Variants in ANGPT2 observed in about 807,000 individuals in gnomAD.
ANGPT2 encodes angiopoietin-2.
ANGPT2 carries 28 observed loss-of-function variants against 62.9 expected under a neutral mutation model. That is an observed-to-expected ratio of 0.44 (90% CI 0.33 to 0.61). ANGPT2 has a LOEUF of 0.61. Ranked by LOEUF, ANGPT2 falls within the 20% of genes least tolerant of loss-of-function variation. The pLI is 0.03. For synonymous variants in ANGPT2, 284 were observed against 207.8 expected (o/e 1.37, Z -3.15); for missense variants, 727 against 594.9 (o/e 1.22, Z -2.31).
chr8:6,505,045 C>T (rs1418069151), intron 8 of ANGPT2, among the ~76,000 whole-genome samples: 1 of 151,110 alleles, frequency 6.6e-6, no homozygotes, highest in Non-Finnish European at 1.5e-5. Context: ...TTGATATCTC[C>T]ATATGTAGGA....
chr8:6,555,391 A>G (rs1824416986), intron 1 of ANGPT2, among the ~76,000 whole-genome samples: 1 of 151,850 alleles, frequency 6.6e-6, no homozygotes, highest in South Asian at 2.1e-4. Flanking sequence ...AACTAGATGT[A>G]TGGTTTGTAA....
intron 5 of ANGPT2, 97 bp downstream of exon 5, chr8:6,519,767 A>G: frequency 6.8e-7 from 1 of 1,467,378 alleles, no homozygotes; most frequent in Admixed American, 1.8e-5. Context: ...GAGGCTGGGG[A>G]AGATCTTTGG....
At chr8:6,511,636 T>C (rs1317917494) in intron 7 of ANGPT2, among the ~76,000 whole-genome samples, 1 of 152,212 alleles carries the variant, frequency 6.6e-6, no homozygotes, top group East Asian at 1.9e-4. Context: ...TTCACAGTTC[T>C]CTTATCATGC....
intron 1 of ANGPT2, among the ~76,000 whole-genome samples, chr8:6,541,603 C>T (rs1010014470): frequency 1.3e-5 from 2 of 152,140 alleles, no homozygotes; most frequent in African/African-American, 4.8e-5. Context: ...TTCTGCCATT[C>T]GTCTATTTTT....
At chr8:6,505,663 G>C (rs1278560838) in intron 8 of ANGPT2, among the ~76,000 whole-genome samples, 2 of 123,216 alleles carry the variant, frequency 1.6e-5, no homozygotes, top group Non-Finnish European at 3.3e-5. Context: ...TTTATATATA[G>C]AATATATATA....
intron 1 of ANGPT2, among the ~76,000 whole-genome samples, chr8:6,536,524 C>T (rs1264553582): frequency 1.3e-5 from 2 of 152,130 alleles, no homozygotes; most frequent in Admixed American, 6.5e-5. Flanking sequence ...TTTTTACCAC[C>T]AGAAAAGCCC....
chr8:6,529,055 T>G (rs1229654560), intron 2 of ANGPT2, among the ~76,000 whole-genome samples: 1 of 152,214 alleles, frequency 6.6e-6, no homozygotes, highest in African/African-American at 2.4e-5. Context: ...TCATAAGGGT[T>G]ATAACATGAG....
intron 2 of ANGPT2, among the ~76,000 whole-genome samples, chr8:6,529,918 A>C (rs751363964): frequency 1.3e-5 from 2 of 151,802 alleles, no homozygotes; most frequent in Non-Finnish European, 2.9e-5. Context: ...ACACAAGTAC[A>C]TCAAATGCTA....
chr8:6,543,695 A>T (rs537765204), intron 1 of ANGPT2, among the ~76,000 whole-genome samples: 1 of 152,244 alleles, frequency 6.6e-6, no homozygotes, highest in African/African-American at 2.4e-5. Flanking sequence ...TTTCTGAACT[A>T]TTTAGGAAGA....
At chr8:6,562,361 A>G (rs1825663521) in intron 1 of ANGPT2, among the ~76,000 whole-genome samples, 2 of 152,040 alleles carry the variant, frequency 1.3e-5, no homozygotes, top group South Asian at 4.2e-4. Flanking sequence ...GCAGGGAAGT[A>G]TATTTCCTCT....
chr8:6,544,029 A>G (rs1045825689), intron 1 of ANGPT2, among the ~76,000 whole-genome samples: 9 of 152,258 alleles, frequency 5.9e-5, no homozygotes, highest in Non-Finnish European at 7.3e-5. Context: ...GAATGTTTTC[A>G]GATAAGAAAC....
At chr8:6,527,315 C>T (rs1253691780) in intron 3 of ANGPT2, among the ~76,000 whole-genome samples, 1 of 152,186 alleles carries the variant, frequency 6.6e-6, no homozygotes, top group African/African-American at 2.4e-5. Flanking sequence ...TGGAGGATTA[C>T]TCTAAGAGGA....
At chr8:6,552,114 C>A (rs936299692) in intron 1 of ANGPT2, among the ~76,000 whole-genome samples, 3 of 152,164 alleles carry the variant, frequency 2.0e-5, no homozygotes, top group Admixed American at 2.0e-4. Context: ...AATTCTGAAT[C>A]TTTTCTACTA....
intron 3 of ANGPT2, among the ~76,000 whole-genome samples, chr8:6,525,151 C>T (rs374523667): frequency 1.3e-5 from 2 of 152,228 alleles, no homozygotes; most frequent in African/African-American, 4.8e-5. Flanking sequence ...AAGGAACTGG[C>T]TACCCATTAC....
chr8:6,513,356 G>A (rs923270727), intron 7 of ANGPT2, among the ~76,000 whole-genome samples: 26 of 142,578 alleles, frequency 1.8e-4, no homozygotes, highest in African/African-American at 2.3e-4. Context: ...TTTTTGAGAC[G>A]GAGTCTTGCT....
intron 8 of ANGPT2, among the ~76,000 whole-genome samples, chr8:6,507,057 C>T (rs1813885430): frequency 6.6e-6 from 1 of 152,112 alleles, no homozygotes; most frequent in Non-Finnish European, 1.5e-5. Flanking sequence ...GCCACCACGC[C>T]TGGCTAATTT....
intron 8 of ANGPT2, among the ~76,000 whole-genome samples, chr8:6,504,255 T>C (rs987214065): frequency 2.7e-5 from 4 of 146,580 alleles, no homozygotes; most frequent in Non-Finnish European, 4.4e-5. Flanking sequence ...GAGGCGGAGC[T>C]TGCAGTGAGC....
chr8:6,520,805 G>T lies in ANGPT2; in HGVS notation c.799+373C>A, dbSNP rs115462722. ...GAACTAGCATCTCTTAAGTGCCATT[G>T]TATTATCTCATTTAATCTTAATGGC... On this transcript the variant is annotated intron_variant, in intron 4 of 8. Transcript: ENST00000629816. 9.6e-3 allele frequency among the ~76,000 whole-genome samples: 1,466 copies of T among 152,256 alleles called. 19 individuals carry two copies. Among genetic ancestry groups the T allele is most frequent in the African/African-American group, 0.034 (1,396 of 41,558 alleles).
chr8:6,518,291 G>A (rs1017090957), intron 5 of ANGPT2, among the ~76,000 whole-genome samples: 4 of 152,190 alleles, frequency 2.6e-5, no homozygotes, highest in African/African-American at 9.7e-5. Flanking sequence ...ACAGACAATG[G>A]CATGCACAGA....
Sources: gnomAD v4.1 joint callset for allele counts (sites outside exome capture counted in the v4.1 genomes callset) on GRCh38, gnomAD v4.1.1 for gene constraint, MANE v1.5 for transcripts, NCBI Gene and HGNC (gene_info 2026-07-23, HGNC 2026-07-21) for gene names.